The following TSNAXIP1 variants were observed in gnomAD, a reference collection of about 807,000 sequenced individuals.
TSNAXIP1 encodes translin associated factor X interacting protein 1, also known as translin-associated factor X-interacting protein 1.
In TSNAXIP1, 89 loss-of-function variants were observed where a neutral mutation model predicts 84.8. The observed-to-expected ratio is 1.05, with a 90% CI of 0.88 to 1.25. The LOEUF is 1.25. Ranked by LOEUF, TSNAXIP1 falls within the 50% of genes most tolerant of loss-of-function variation. The pLI is 0.00. For synonymous variants in TSNAXIP1, 347 were observed against 335.2 expected (o/e 1.04, Z -0.39); for missense variants, 874 against 887.6 (o/e 0.98, Z 0.20).
chr16:67,825,052 C>G (rs1230874975), intron 6 of TSNAXIP1, 85 bp from the exon 7 acceptor site: 2 of 1,550,126 alleles, frequency 1.3e-6, no homozygotes, highest in Non-Finnish European at 1.7e-6. Context: ...TGGGGCCCCC[C>G]AGAACCCAGC....
At position 67,825,602 on chromosome 16, in the gene TSNAXIP1, A is replaced by T. The variant is rs899809039; in HGVS notation, c.815-65A>T. ...AGGGAACCCCAAACAGGAAGGGCAGAGGGCTTCAGGCAACCCCTGAGAAAG... is the reference window on the plus strand; with the variant it reads ...AGGGAACCCCAAACAGGAAGGGCAGTGGGCTTCAGGCAACCCCTGAGAAAG... On this transcript the variant is annotated intron_variant, in intron 7 of 15. Coordinates refer to ENST00000561639, the MANE Select transcript of TSNAXIP1 (RefSeq NM_001288990.3). 7 of 1,553,012 alleles carry T rather than the reference A, an allele frequency of 4.5e-6. No individual in the cohort carries two copies. In the Admixed American group the frequency reaches 7.6e-5, roughly 17 times the overall value.
In TSNAXIP1 at chr16:67,826,687, C is replaced by A; in HGVS notation, c.1402-5C>A. ...CTCTGACTGAGCATTTCCTCGATCC[C>A]GCAGAAAGAGACGTTCCCAGATTTC... On this transcript the variant is annotated splice_region_variant and splice_polypyrimidine_tract_variant and intron_variant, in intron 11 of 15. Coordinates refer to ENST00000561639, the MANE Select transcript of TSNAXIP1 (RefSeq NM_001288990.3). 6.2e-7 allele frequency: 1 copy of A among 1,613,016 alleles called. No individual in the cohort carries two copies. The highest frequency in any genetic ancestry group is 1.1e-5 in the South Asian group (1 of 90,894).
intron 2 of TSNAXIP1, among the ~76,000 whole-genome samples, chr16:67,818,622 T>G (rs1414373361): frequency 6.6e-6 from 1 of 152,130 alleles, no homozygotes; most frequent in Non-Finnish European, 1.5e-5. Context: ...TCCCAGCACT[T>G]TGGGAGGACA....
Position 67,826,019 on chromosome 16 carries a change from G to A in TSNAXIP1, c.1087G>A (p.Glu363Lys), listed in dbSNP as rs1460257443. Residue 363 changes from glutamate to lysine, a missense_variant, in exon 9 of 16, where the codon GAG becomes AAG. Physicochemically the swap from Glu to Lys is moderately conservative, Grantham distance 56. Transcript: ENST00000561639. ...TLKERDQFFS[E>K]LQEIQRTSTP... Reference sequence around the variant, plus strand: ...GAAGGAACGGGACCAATTCTTCTCTGAGCTGCAGGAGATCCAGCGCACTTC... The same window carrying A: ...GAAGGAACGGGACCAATTCTTCTCTAAGCTGCAGGAGATCCAGCGCACTTC... 1 of 1,614,002 alleles carries A rather than the reference G, an allele frequency of 6.2e-7. No individual in the cohort carries two copies. The highest frequency in any genetic ancestry group is 1.7e-5 in the Admixed American group (1 of 60,016).
At chr16:67,810,974 T>C (rs999925604) in intron 1 of TSNAXIP1, among the ~76,000 whole-genome samples, 2 of 151,196 alleles carry the variant, frequency 1.3e-5, no homozygotes, top group African/African-American at 4.9e-5. Context: ...CCTGACCTCA[T>C]GTCTTTTGTT....
At position 67,814,391 on chromosome 16, in the gene TSNAXIP1, G is replaced by A. The variant is rs770773243; in HGVS notation, c.137G>A (p.Arg46Gln). Residue 46 changes from arginine to glutamine, a missense_variant, in exon 2 of 16, where the codon CGA (arginine) becomes CAA (glutamine). Arg to Gln is a conservative substitution (Grantham distance 43). Coordinates refer to ENST00000561639, the MANE Select transcript of TSNAXIP1 (RefSeq NM_001288990.3). ...STQNRKLLQKRRTLTGQFSMG... is the reference protein window; with the variant it reads ...STQNRKLLQKQRTLTGQFSMG... ...CAGAATCGCAAGCTTCTTCAGAAAC[G>A]AAGGACGCTGGTTAGTGACAATGTT... 14 of 1,535,764 alleles carry A rather than the reference G, an allele frequency of 9.1e-6. No individual in the cohort carries two copies. The highest frequency in any genetic ancestry group is 5.9e-5 in the South Asian group (5 of 84,064).
chr16:67,825,126 C>T lies in TSNAXIP1; in HGVS notation c.679-11C>T. On this transcript the variant is annotated splice_polypyrimidine_tract_variant and intron_variant, in intron 6 of 15. Transcript: ENST00000561639. Reference sequence around the variant, plus strand: ...GGGCAGCCCCTGACCACACAGCCACCTTCTTGCCAGGTGACCAAACTGAGG... The same window carrying T: ...GGGCAGCCCCTGACCACACAGCCACTTTCTTGCCAGGTGACCAAACTGAGG... The T allele has an allele frequency of 6.2e-7, 1 of 1,613,266 alleles. No individual in the cohort carries two copies. Among genetic ancestry groups the T allele is most frequent in the Non-Finnish European group, 8.5e-7 (1 of 1,179,746 alleles).
At chr16:67,813,449 C>A (rs1305824270) in intron 1 of TSNAXIP1, among the ~76,000 whole-genome samples, 1 of 151,094 alleles carries the variant, frequency 6.6e-6, no homozygotes, top group Non-Finnish European at 1.5e-5. Context: ...CAAGAGTTGT[C>A]CCTGGCCAGG....
Position 67,823,664 on chromosome 16 carries a change from C to G in TSNAXIP1, c.426C>G (p.Phe142Leu). 1 of 1,612,976 alleles carries G rather than the reference C, an allele frequency of 6.2e-7. No homozygotes were observed. Among genetic ancestry groups the G allele is most frequent in the Admixed American group, 1.7e-5 (1 of 59,780 alleles). The stretch of plus-strand genomic sequence containing the variant: ...TCTTTGAGTTCTTCATAGAGGACTT[C>G]AAAACGTACAAGCCATTACTATCCT... ...REIFEFFIED[F>L]KTYKPLLSSI... The change falls in exon 5 of 16, where the codon TTC becomes TTG. Residue 142 changes from phenylalanine (F) to leucine (L), a missense_variant. Coordinates refer to ENST00000561639, the MANE Select transcript of TSNAXIP1 (RefSeq NM_001288990.3).
In TSNAXIP1 at chr16:67,810,565, GC is replaced by G. The variant is rs1385587354; in HGVS notation, c.47+3371del. 2.0e-5 allele frequency among the ~76,000 whole-genome samples: 3 copies of G among 151,992 alleles called. No homozygotes were observed. In the South Asian group the frequency reaches 6.2e-4, roughly 32 times the overall value. ...GCCCGGGAGGCAGAGGTTGCAGTGA[GC>G]CGAGGTCATGCTACTACACTCCTGC... On this transcript the variant is annotated intron_variant, in intron 1 of 15. Transcript: ENST00000561639.
rs765666501 is a variant in TSNAXIP1, at chr16:67,821,086, C to T, written c.261-13C>T. The T allele has an allele frequency of 5.0e-5, 80 of 1,613,128 alleles. No individual in the cohort carries two copies. The highest frequency in any genetic ancestry group is 6.4e-5 in the Non-Finnish European group (76 of 1,179,770). On this transcript the variant is annotated splice_polypyrimidine_tract_variant and intron_variant, in intron 3 of 15. Coordinates refer to ENST00000561639, the MANE Select transcript of TSNAXIP1 (RefSeq NM_001288990.3). ...GGGGGTGCTGGCCACATATCAGCCA[C>T]TGTCCCCTGCAGGAGCTGCCAGCAG... is the stretch of plus-strand genomic sequence containing the variant.
rs756427726 is a variant in TSNAXIP1 at position 67,820,829 on chromosome 16, C to G, written c.148-10C>G. ...GTTGCCATGGCAACCCCACCTGTAC[C>G]TCCCTGCAGACTGGTCAGTTCTCCA... On this transcript the variant is annotated splice_polypyrimidine_tract_variant and intron_variant, in intron 2 of 15. Transcript: ENST00000561639. 2.0e-6 allele frequency: 3 copies of G among 1,513,402 alleles called. No individual in the cohort carries two copies. The highest frequency in any genetic ancestry group is 2.7e-6 in the Non-Finnish European group (3 of 1,128,790). The allele number at this position is 1,513,402 out of a possible 1,614,324, so 93.7% of individuals were successfully genotyped here.
At chr16:67,819,194 TACATACATATAA>T (rs1396476821) in intron 2 of TSNAXIP1, among the ~76,000 whole-genome samples, 1 of 151,458 alleles carries the variant, frequency 6.6e-6, no homozygotes, top group Non-Finnish European at 1.5e-5. Context: ...AATAAATAAA[TACATACATATAA>T]ACATACATAC....
chr16:67,811,197 CA>C (rs72329142), intron 1 of TSNAXIP1, among the ~76,000 whole-genome samples: 20,802 of 151,872 alleles, frequency 0.14, 2,916 homozygotes, highest in African/African-American at 0.36. Context: ...CCATCACGCC[CA>C]AGCCCAAGCT....
In TSNAXIP1 at chr16:67,826,975, G is replaced by C; in HGVS notation, c.1567G>C (p.Val523Leu). The C allele has an allele frequency of 1.2e-6, 2 of 1,614,136 alleles. No homozygotes were observed. Among genetic ancestry groups the C allele is most frequent in the Non-Finnish European group, 1.7e-6 (2 of 1,180,040 alleles). The change falls in exon 13 of 16, where the codon GTG (valine) becomes CTG (leucine). Residue 523 changes from valine (V) to leucine (L), a missense_variant. Coordinates refer to ENST00000561639, the MANE Select transcript of TSNAXIP1 (RefSeq NM_001288990.3). ...TCTCTCCTTATAGCGGAGTGAGAATGTGTATGTCACCCAGAAGGAGACAGT... is the reference window on the plus strand; with the variant it reads ...TCTCTCCTTATAGCGGAGTGAGAATCTGTATGTCACCCAGAAGGAGACAGT... ...AVLMGKRSEN[V>L]YVTQKETVAQ...
At chr16:67,818,423 G>C (rs2056767814) in intron 2 of TSNAXIP1, among the ~76,000 whole-genome samples, 1 of 151,776 alleles carries the variant, frequency 6.6e-6, no homozygotes, top group South Asian at 2.1e-4. Flanking sequence ...AGACTGAGGT[G>C]GGAGGATCTC....
intron 1 of TSNAXIP1, among the ~76,000 whole-genome samples, 166 bp from the exon 2 acceptor site, chr16:67,814,136 G>A (rs1402202841): frequency 4.6e-5 from 7 of 152,184 alleles, no homozygotes; most frequent in Admixed American, 4.6e-4. Context: ...CAAATGGTTT[G>A]GACCCAAGGC....
Position 67,826,168 on chromosome 16 carries a change from C to T in TSNAXIP1, c.1161C>T (p.Gly387=). The T allele has an allele frequency of 6.2e-7, 1 of 1,612,716 alleles. No homozygotes were observed. Among genetic ancestry groups the T allele is most frequent in the South Asian group, 1.1e-5 (1 of 90,978 alleles). The stretch of plus-strand genomic sequence containing the variant: ...CACATGCAGATGTGGTGGCTGGGGG[C>T]CCAGAGCGCTGGCAGATGCTGGCTG... The part of the protein sequence containing the change: ...WTKCKDVVAG[G]PERWQMLAEG... Residue 387 remains glycine, a synonymous_variant, in exon 10 of 16, where the codon GGC becomes GGT. Coordinates refer to ENST00000561639, the MANE Select transcript of TSNAXIP1 (RefSeq NM_001288990.3).
chr16:67,808,136 C>T (rs760810609), intron 1 of TSNAXIP1, among the ~76,000 whole-genome samples: 14 of 151,854 alleles, frequency 9.2e-5, no homozygotes, highest in Non-Finnish European at 1.8e-4. Flanking sequence ...TGACACAGCT[C>T]TTGTATGTAA....
Sources: gnomAD v4.1 joint callset for allele counts (sites outside exome capture counted in the v4.1 genomes callset) on GRCh38, gnomAD v4.1.1 for gene constraint, MANE v1.5 for transcripts, NCBI Gene and HGNC (gene_info 2026-07-23, HGNC 2026-07-21) for gene names.